Variants in MALRD1 observed in about 807,000 individuals in gnomAD.
MALRD1 encodes MAM and LDL-receptor class A domain-containing protein 1.
A neutral mutation model predicts 242.1 loss-of-function variants in MALRD1; 247 were observed. The observed-to-expected ratio is 1.02, with a 90% CI of 0.92 to 1.13. MALRD1 has a LOEUF of 1.13. MALRD1 is among the 50% of genes most tolerant of loss of function. The probability of loss-of-function intolerance (pLI) is 0.00; values close to 1 mark genes in which losing one functional copy is unlikely to be tolerated. For missense variants in MALRD1, 2,989 were observed against 2,533.1 expected (o/e 1.18, Z -3.86); for synonymous variants, 995 against 866.6 (o/e 1.15, Z -2.60).
At chr10:19,335,074 G>C (rs985553464) in intron 24 of MALRD1, among the ~76,000 whole-genome samples, 3 of 151,830 alleles carry the variant, frequency 2.0e-5, no homozygotes, top group Non-Finnish European at 4.4e-5. Context: ...ATACTGTCTT[G>C]TTAGTTCTTT....
At chr10:19,676,031 G>A (rs1480820347) in intron 36 of MALRD1, among the ~76,000 whole-genome samples, 1 of 152,168 alleles carries the variant, frequency 6.6e-6, no homozygotes, top group Admixed American at 6.6e-5. Flanking sequence ...CCATCTTCCA[G>A]CCAATGAAAA....
chr10:19,469,845 G>A (rs372362811), intron 29 of MALRD1, among the ~76,000 whole-genome samples: 17 of 152,044 alleles, frequency 1.1e-4, no homozygotes, highest in Admixed American at 4.6e-4. Context: ...AACTCAATGT[G>A]TTTGGGGATA....
intron 31 of MALRD1, among the ~76,000 whole-genome samples, chr10:19,529,005 G>A (rs143523984): frequency 3.1e-3 from 478 of 152,282 alleles, no homozygotes; most frequent in African/African-American, 0.011. Flanking sequence ...AGGTGGACAA[G>A]TTTGAGAGAT....
chr10:19,292,498 G>A (rs1436301017), intron 21 of MALRD1, among the ~76,000 whole-genome samples: 1 of 152,088 alleles, frequency 6.6e-6, no homozygotes, highest in African/African-American at 2.4e-5. Context: ...TTATCTTTCA[G>A]TTGGAAATGA....
rs1003245012 is a variant in MALRD1 at position 19,538,893 on chromosome 10, A to G, written c.5478+7542A>G. ...GTTCGTATTTCAGAACAAGTAGCCT[A>G]TGGTGTTGAAATGGTCTCTATCTTA... On this transcript the variant is annotated intron_variant, in intron 32 of 39. Transcript: ENST00000454679. Among the ~76,000 whole-genome samples the G allele has an allele frequency of 6.0e-4, 92 of 152,264 alleles. 1 individual carries two copies. Among genetic ancestry groups the G allele is most frequent in the Admixed American group, 5.1e-3 (78 of 15,288 alleles).
chr10:19,305,777 CTATATAT>C (rs1323252496), intron 21 of MALRD1, among the ~76,000 whole-genome samples: 2 of 140,378 alleles, frequency 1.4e-5, no homozygotes, highest in Non-Finnish European at 3.0e-5. Context: ...ATACACTATA[CTATATAT>C]TATATATATA....
At chr10:19,317,205 G>C (rs1446473706) in intron 21 of MALRD1, among the ~76,000 whole-genome samples, 1 of 151,818 alleles carries the variant, frequency 6.6e-6, no homozygotes, top group African/African-American at 2.4e-5. Flanking sequence ...GGCTAATAAG[G>C]CTATGATCAA....
intron 32 of MALRD1, among the ~76,000 whole-genome samples, chr10:19,536,309 C>T (rs1834670646): frequency 6.6e-6 from 1 of 151,790 alleles, no homozygotes; most frequent in Non-Finnish European, 1.5e-5. Context: ...TTCCTTAGTT[C>T]CAGCTCCCAT....
intron 31 of MALRD1, among the ~76,000 whole-genome samples, chr10:19,503,201 G>A (rs1156815824): frequency 6.6e-6 from 1 of 152,116 alleles, no homozygotes; most frequent in Non-Finnish European, 1.5e-5. Flanking sequence ...AGACTATTTA[G>A]GCATCTCTGA....
intron 1 of MALRD1, among the ~76,000 whole-genome samples, chr10:19,061,716 G>A (rs1590373867): frequency 6.6e-6 from 1 of 152,090 alleles, no homozygotes; most frequent in Non-Finnish European, 1.5e-5. Context: ...AAGGTGGTGG[G>A]AAAATTGGGT....
chr10:19,085,052 C>T (rs542638657), intron 2 of MALRD1, among the ~76,000 whole-genome samples: 81 of 151,790 alleles, frequency 5.3e-4, no homozygotes, highest in Non-Finnish European at 7.8e-4. Flanking sequence ...TATGTGTTTG[C>T]ATGTGGTATG....
intron 26 of MALRD1, among the ~76,000 whole-genome samples, chr10:19,372,245 G>A (rs1845411182): frequency 6.6e-6 from 1 of 151,918 alleles, no homozygotes; most frequent in Non-Finnish European, 1.5e-5. Flanking sequence ...AACAACTCTT[G>A]GATTGTTGAG....
chr10:19,144,384 C>G (rs1253319012), intron 10 of MALRD1, among the ~76,000 whole-genome samples: 4 of 152,226 alleles, frequency 2.6e-5, no homozygotes, highest in African/African-American at 9.6e-5. Flanking sequence ...GACTGTCTAA[C>G]AAGCACGGCT....
chr10:19,335,095 C>G (rs910085303), intron 24 of MALRD1, among the ~76,000 whole-genome samples: 2 of 151,770 alleles, frequency 1.3e-5, no homozygotes, highest in Non-Finnish European at 2.9e-5. Context: ...TATTTCAAAC[C>G]TAAAGGCAAA....
At chr10:19,100,749 T>A (rs1278199625) in intron 4 of MALRD1, among the ~76,000 whole-genome samples, 1 of 152,164 alleles carries the variant, frequency 6.6e-6, no homozygotes, top group Admixed American at 6.5e-5. Context: ...TGAACATTTG[T>A]TATGTAAGTT....
At chr10:19,158,903 G>GA (rs1242134181) in intron 12 of MALRD1, among the ~76,000 whole-genome samples, 2 of 152,082 alleles carry the variant, frequency 1.3e-5, no homozygotes, top group African/African-American at 4.8e-5. Flanking sequence ...GAACAATTTA[G>GA]AAAAAAAGTA....
At chr10:19,164,790 C>T (rs1214454208) in intron 12 of MALRD1, among the ~76,000 whole-genome samples, 1 of 152,106 alleles carries the variant, frequency 6.6e-6, no homozygotes, top group Admixed American at 6.5e-5. Context: ...ATAATCCTCT[C>T]TATTCTCTTC....
At chr10:19,484,235 A>G (rs1303456657) in intron 29 of MALRD1, among the ~76,000 whole-genome samples, 1 of 152,210 alleles carries the variant, frequency 6.6e-6, no homozygotes, top group African/African-American at 2.4e-5. Flanking sequence ...CAATATATCC[A>G]TGAGACAAAC....
chr10:19,301,047 GC>G (rs1841933093), intron 21 of MALRD1, among the ~76,000 whole-genome samples: 1 of 151,920 alleles, frequency 6.6e-6, no homozygotes, highest in African/African-American at 2.4e-5. Context: ...TAGAAAATGT[GC>G]AAAGGACATG....
Sources: gnomAD v4.1 joint callset for allele counts (sites outside exome capture counted in the v4.1 genomes callset) on GRCh38, gnomAD v4.1.1 for gene constraint, MANE v1.5 for transcripts, NCBI Gene and HGNC (gene_info 2026-07-23, HGNC 2026-07-21) for gene names.